Variants in NSF observed in about 807,000 individuals in gnomAD.
NSF encodes the protein vesicle-fusing ATPase.
Under a neutral mutation model 50.3 loss-of-function variants are expected in NSF, and 14 were observed. The observed-to-expected ratio is 0.28, with a 90% CI of 0.18 to 0.44. NSF has a LOEUF of 0.44. NSF is among the 20% of genes least tolerant of loss of function. The pLI is 1.00. For synonymous variants in NSF, 109 were observed against 175.7 expected, an observed-to-expected ratio of 0.62 and a Z score of 3.00; for missense variants, 218 against 504.3, an observed-to-expected ratio of 0.43 and a Z score of 5.44.
At chr17:46,707,070 C>T (rs1295827594) in intron 13 of NSF, among the ~76,000 whole-genome samples, 1 of 151,778 alleles carries the variant, frequency 6.6e-6, no homozygotes, top group African/African-American at 2.4e-5. Context: ...AGGCTGGTCT[C>T]GAACTCCTGA....
chr17:46,724,936 A>G (rs1598718092), intron 15 of NSF, among the ~76,000 whole-genome samples: 1 of 152,080 alleles, frequency 6.6e-6, no homozygotes, highest in South Asian at 2.1e-4. Context: ...GATATCTCCA[A>G]CTTCTCACTT....
intron 17 of NSF, among the ~76,000 whole-genome samples, chr17:46,735,537 AT>A (rs576910072): frequency 4.4e-4 from 67 of 151,942 alleles, no homozygotes; most frequent in Admixed American, 4.1e-3. Context: ...ACGTCCCTTA[AT>A]TTCTTGGTGT....
At chr17:46,722,592 C>CT (rs2058843004) in intron 15 of NSF, among the ~76,000 whole-genome samples, 1 of 152,192 alleles carries the variant, frequency 6.6e-6, no homozygotes, top group Admixed American at 6.5e-5. Flanking sequence ...CCAGCCAACT[C>CT]TGAGTATCTT....
chr17:46,751,457 G>A, intron 18 of NSF, 46 bp from the exon 19 acceptor site: 1 of 1,310,414 alleles, frequency 7.6e-7, no homozygotes, highest in Non-Finnish European at 1.1e-6. Flanking sequence ...CAATGTTGAT[G>A]TGTTCACTGT....
chr17:46,745,954 C>A (rs987256410), intron 17 of NSF, among the ~76,000 whole-genome samples: 2 of 152,092 alleles, frequency 1.3e-5, no homozygotes, highest in Non-Finnish European at 2.9e-5. Flanking sequence ...AATGTCCTTC[C>A]CCTTCATCTT....
chr17:46,742,318 T>A (rs534206201), intron 17 of NSF, among the ~76,000 whole-genome samples: 2 of 152,386 alleles, frequency 1.3e-5, no homozygotes, highest in South Asian at 4.1e-4. Flanking sequence ...TGCATTTTTC[T>A]AGGACCAGAA....
chr17:46,707,761 G>A (rs576134837), intron 13 of NSF, among the ~76,000 whole-genome samples: 6 of 152,120 alleles, frequency 3.9e-5, no homozygotes, highest in African/African-American at 1.4e-4. Flanking sequence ...GCCAGGCGTG[G>A]TGGCTCTTGC....
At chr17:46,739,961 A>G (rs1199113501) in intron 17 of NSF, among the ~76,000 whole-genome samples, 2 of 152,144 alleles carry the variant, frequency 1.3e-5, no homozygotes, top group South Asian at 2.1e-4. Context: ...CAGCCTCCCA[A>G]AGTGCTGGGA....
intron 15 of NSF, among the ~76,000 whole-genome samples, chr17:46,716,879 A>T (rs2058776926): frequency 6.6e-6 from 1 of 152,238 alleles, no homozygotes; most frequent in African/African-American, 2.4e-5. Context: ...TTTTTCACTT[A>T]AAATATTATG....
chr17:46,736,487 C>G (rs1313279866), intron 17 of NSF, among the ~76,000 whole-genome samples: 1 of 152,178 alleles, frequency 6.6e-6, no homozygotes, highest in Admixed American at 6.5e-5. Flanking sequence ...AAGCCCTGGC[C>G]CTCCCTCTAC....
intron 17 of NSF, among the ~76,000 whole-genome samples, chr17:46,739,333 T>C (rs2059043173): frequency 7.7e-6 from 1 of 130,354 alleles, no homozygotes; most frequent in African/African-American, 3.0e-5. Context: ...ATCGCGCCAC[T>C]GCACTCCAGC....
chr17:46,714,524 A>G (rs2058749649), intron 15 of NSF, among the ~76,000 whole-genome samples: 2 of 152,206 alleles, frequency 1.3e-5, no homozygotes, highest in South Asian at 2.1e-4. Flanking sequence ...CTTAATTAAC[A>G]TGGCCACTTT....
chr17:46,619,770 T>TAA (rs139171166), intron 1 of NSF, among the ~76,000 whole-genome samples: 371 of 20,848 alleles, frequency 0.018, 8 homozygotes, highest in Middle Eastern at 0.053. Context: ...AGACTCCATC[T>TAA]AAAAAAAAAA....
chr17:46,691,779 G>C (rs1168103983), intron 9 of NSF, among the ~76,000 whole-genome samples: 2 of 151,414 alleles, frequency 1.3e-5, no homozygotes, highest in Non-Finnish European at 2.9e-5. Context: ...TTGAGACGGA[G>C]TCTCACTCTG....
chr17:46,609,965 AT>A (rs1203632821), intron 1 of NSF, among the ~76,000 whole-genome samples: 5 of 143,666 alleles, frequency 3.5e-5, no homozygotes, highest in Non-Finnish European at 7.8e-5. Flanking sequence ...GGGATTACTG[AT>A]TTGTGCCACC....
intron 12 of NSF, among the ~76,000 whole-genome samples, chr17:46,696,322 C>G (rs1474240280): frequency 2.1e-5 from 3 of 140,484 alleles, no homozygotes; most frequent in Non-Finnish European, 3.0e-5. Context: ...AATACCCCGA[C>G]TGCAAAGAAG....
intron 12 of NSF, among the ~76,000 whole-genome samples, chr17:46,703,680 CAAA>C (rs149212597): frequency 2.7e-5 from 1 of 37,718 alleles, no homozygotes; most frequent in African/African-American, 1.1e-4. Context: ...GACTCCGTCT[CAAA>C]AAAAAAAAAA....
chr17:46,676,283 A>C (rs1598672015), intron 9 of NSF, among the ~76,000 whole-genome samples: 2 of 129,556 alleles, frequency 1.5e-5, no homozygotes, highest in Non-Finnish European at 3.1e-5. Flanking sequence ...CCCAGGCTGG[A>C]GTGCAATGGC....
intron 9 of NSF, among the ~76,000 whole-genome samples, chr17:46,687,176 A>T (rs1364642397): frequency 1.5e-5 from 1 of 64,970 alleles, no homozygotes; most frequent in African/African-American, 6.5e-5. Context: ...ATTGTAGCCC[A>T]GAATCTGTCC....
Sources: allele counts gnomAD v4.1 joint callset (sites outside exome capture counted in the v4.1 genomes callset), GRCh38; gene constraint gnomAD v4.1.1; transcripts MANE v1.5; gene names NCBI Gene and HGNC (gene_info 2026-07-23, HGNC 2026-07-21).